SPPL3: variants seen among roughly 807,000 people sequenced by gnomAD.
SPPL3 encodes the protein signal peptide peptidase like 3.
Under a neutral mutation model 42.4 loss-of-function variants are expected in SPPL3, and 5 were observed. That is an observed-to-expected ratio of 0.12 (90% CI 0.06 to 0.25). The LOEUF (loss-of-function observed/expected upper bound fraction) is 0.25. Among genes scored for constraint, SPPL3 ranks in the 10% least tolerant of loss-of-function variants. The pLI is 1.00. For missense variants in SPPL3, 235 were observed against 489.0 expected (o/e 0.48, Z 4.90); for synonymous variants, 195 against 181.8 (o/e 1.07, Z -0.58).
chr12:120,823,902 A>G (rs918137221), intron 1 of SPPL3, among the ~76,000 whole-genome samples: 6 of 149,788 alleles, frequency 4.0e-5, no homozygotes, highest in Non-Finnish European at 5.9e-5. Flanking sequence ...ACGGAGTCTC[A>G]CTCTGTCGCC....
intron 1 of SPPL3, among the ~76,000 whole-genome samples, chr12:120,868,993 A>T (rs1393731431): frequency 6.6e-6 from 1 of 152,204 alleles, no homozygotes; most frequent in African/African-American, 2.4e-5. Flanking sequence ...TCTTCATTAT[A>T]TTGAAATTAT....
At chr12:120,850,609 C>T (rs1428288483) in intron 1 of SPPL3, among the ~76,000 whole-genome samples, 1 of 151,056 alleles carries the variant, frequency 6.6e-6, no homozygotes, top group Non-Finnish European at 1.5e-5. Flanking sequence ...TTTTCAAACA[C>T]TTTCCCTTTT....
intron 1 of SPPL3, among the ~76,000 whole-genome samples, chr12:120,838,738 A>C (rs1007688825): frequency 1.3e-5 from 2 of 152,240 alleles, no homozygotes; most frequent in African/African-American, 4.8e-5. Context: ...GAGAGTGGTC[A>C]GACTCAAAAA....
intron 6 of SPPL3, among the ~76,000 whole-genome samples, chr12:120,781,904 G>T (rs530826043): frequency 6.6e-6 from 1 of 151,410 alleles, no homozygotes; most frequent in Non-Finnish European, 1.5e-5. Context: ...AAGAGACAGG[G>T]TCTCACTCTG....
At chr12:120,768,860 C>CGACTTT in intron 7 of SPPL3, 93 bp downstream of exon 7, 1 of 1,125,912 alleles carries the variant, frequency 8.9e-7, no homozygotes, top group Non-Finnish European at 1.3e-6. Context: ...TGGGCAAGCC[C>CGACTTT]GACTTTGGAT....
chr12:120,808,875 A>G (rs1457092725), intron 2 of SPPL3, among the ~76,000 whole-genome samples: 2 of 152,232 alleles, frequency 1.3e-5, no homozygotes, highest in African/African-American at 4.8e-5. Flanking sequence ...GTTTAATTGC[A>G]AAGTCCTTTG....
chr12:120,826,078 G>A (rs1372448343), intron 1 of SPPL3, among the ~76,000 whole-genome samples: 3 of 145,974 alleles, frequency 2.1e-5, no homozygotes, highest in African/African-American at 7.4e-5. Context: ...AGGATTACCT[G>A]AGGTTGGGAG....
chr12:120,880,695 G>A (rs1873251247), intron 1 of SPPL3, among the ~76,000 whole-genome samples: 1 of 151,890 alleles, frequency 6.6e-6, no homozygotes, highest in African/African-American at 2.4e-5. Context: ...GCTGAGGCAG[G>A]AGAATCGCTT....
chr12:120,815,877 C>T (rs766494711), intron 1 of SPPL3, among the ~76,000 whole-genome samples: 1 of 151,912 alleles, frequency 6.6e-6, no homozygotes, highest in Non-Finnish European at 1.5e-5. Flanking sequence ...CACAGGAGTC[C>T]GCCACCATGC....
chr12:120,903,851 T>TAGG lies in SPPL3; in HGVS notation c.14_16dup (p.Thr5_Tyr6insSer). ...CCCGGAGCCCCGCACTCACCACGAG[T>TAGG]AGGTCTGCTCCGCCATGGCGCTGCC... is the stretch of plus-strand genomic sequence containing the variant. On this transcript the variant is annotated inframe_insertion, in exon 1 of 11. Coordinates refer to ENST00000353487, the MANE Select transcript of SPPL3 (RefSeq NM_139015.5). 6.8e-7 allele frequency: 1 copy of TAGG among 1,465,814 alleles called. No homozygotes were observed. Among genetic ancestry groups the TAGG allele is most frequent in the Non-Finnish European group, 9.0e-7 (1 of 1,114,282 alleles). 90.8% of individuals were successfully genotyped at this position (1,465,814 alleles called of 1,614,324 possible).
chr12:120,894,695 C>T (rs1380922077), intron 1 of SPPL3, among the ~76,000 whole-genome samples: 2 of 152,190 alleles, frequency 1.3e-5, no homozygotes, highest in Non-Finnish European at 2.9e-5. Flanking sequence ...CCTGTAATCC[C>T]AGCACTTTGG....
chr12:120,880,948 C>CAT (rs58934244), intron 1 of SPPL3, among the ~76,000 whole-genome samples: 72,828 of 150,920 alleles, frequency 0.48, 17,762 homozygotes, highest in East Asian at 0.56. Context: ...GGTCAATAAA[C>CAT]GTGAACAGAT....
At chr12:120,792,743 T>C (rs1404295210) in intron 2 of SPPL3, among the ~76,000 whole-genome samples, 1 of 151,708 alleles carries the variant, frequency 6.6e-6, no homozygotes, top group African/African-American at 2.4e-5. Flanking sequence ...AAAAGAACTT[T>C]CTGTTATGAT....
At chr12:120,876,437 C>T (rs567022508) in intron 1 of SPPL3, among the ~76,000 whole-genome samples, 8 of 151,210 alleles carry the variant, frequency 5.3e-5, no homozygotes, top group Middle Eastern at 3.4e-3. Flanking sequence ...CACGGTGAAA[C>T]CCCGTCTCTA....
intron 2 of SPPL3, among the ~76,000 whole-genome samples, chr12:120,799,964 C>T (rs1870232485): frequency 6.6e-6 from 1 of 152,124 alleles, no homozygotes; most frequent in South Asian, 2.1e-4. Context: ...GGACTATTTT[C>T]AATTATAGGC....
chr12:120,884,121 T>G (rs1156323872), intron 1 of SPPL3, among the ~76,000 whole-genome samples: 2 of 126,168 alleles, frequency 1.6e-5, no homozygotes, highest in African/African-American at 5.9e-5. Flanking sequence ...AAAAAAAAAA[T>G]GCAGATGTAA....
intron 1 of SPPL3, among the ~76,000 whole-genome samples, chr12:120,876,210 A>G (rs1873081433): frequency 6.6e-6 from 1 of 152,334 alleles, no homozygotes; most frequent in South Asian, 2.1e-4. Flanking sequence ...GAAATAATAC[A>G]AAGCATATTC....
chr12:120,825,974 A>AAT, intron 1 of SPPL3, among the ~76,000 whole-genome samples: 1 of 92,870 alleles, frequency 1.1e-5, no homozygotes. Context: ...CTGGTGACAC[A>AAT]CTCACTGGTC....
intron 6 of SPPL3, among the ~76,000 whole-genome samples, chr12:120,781,769 C>T (rs1004026811): frequency 8.0e-5 from 12 of 150,068 alleles, no homozygotes; most frequent in Admixed American, 3.3e-4. Flanking sequence ...TTAGTAGAGA[C>T]GGGGTCTCAC....
Sources: gnomAD v4.1 joint callset for allele counts (sites outside exome capture counted in the v4.1 genomes callset) on GRCh38, gnomAD v4.1.1 for gene constraint, MANE v1.5 for transcripts, NCBI Gene and HGNC (gene_info 2026-07-23, HGNC 2026-07-21) for gene names.